Variants in MYOF observed in about 807,000 individuals in gnomAD.
MYOF encodes fer-1-like 3, myoferlin.
A neutral mutation model predicts 284.2 loss-of-function variants in MYOF; 244 were observed. The ratio of observed to expected loss-of-function variants is 0.86; its 90% CI spans 0.77 to 0.95. MYOF has a LOEUF of 0.95. MYOF is among the 40% of genes least tolerant of loss of function. The probability of loss-of-function intolerance (pLI) is 0.00; values close to 1 mark genes in which losing one functional copy is unlikely to be tolerated. For missense variants in MYOF, 2,496 were observed against 2,560.6 expected (o/e 0.97, Z 0.54); for synonymous variants, 904 against 919.7 (o/e 0.98, Z 0.31).
Position 93,359,833 on chromosome 10 carries a change from C to A in MYOF, c.3120G>T (p.Arg1040Ser), listed in dbSNP as rs765932650. 4 of 1,614,108 alleles carry A rather than the reference C, an allele frequency of 2.5e-6. No homozygotes were observed. Among genetic ancestry groups the A allele is most frequent in the Non-Finnish European group, 3.4e-6 (4 of 1,179,984 alleles). ...AGCTCCCTTCCCTTGCTTCTCTTAC[C>A]CTTGCGGTGCTTGAAGCAGTCTGTG... ...DLTQTASSTA[R>S]AMEELQDQEG... is the part of the protein sequence containing the mutation. Residue 1040 changes from arginine (R) to serine (S), a missense_variant and splice_region_variant, in exon 29 of 54, where the codon AGG becomes AGT. Arg to Ser is a moderately radical substitution (Grantham distance 110). This residue lies in a region of MYOF where 2,436 missense variants were observed against 2,480.7 expected (regional missense o/e 0.98). Transcript: ENST00000359263.
chr10:93,467,428 T>C (rs2057036346), intron 1 of MYOF, among the ~76,000 whole-genome samples: 1 of 138,450 alleles, frequency 7.2e-6, no homozygotes, highest in Non-Finnish European at 1.6e-5. Flanking sequence ...TTGGTTTTTT[T>C]GTCCTTGCGA....
intron 46 of MYOF, chr10:93,324,505 G>T (rs1210458934): frequency 6.6e-6 from 1 of 152,192 alleles, no homozygotes; most frequent in African/African-American, 2.4e-5. Context: ...AAGTGATGGG[G>T]GTTTGTGGAT....
In MYOF at chr10:93,355,525, A is replaced by G. The variant is rs1251030785; in HGVS notation, c.3403+103T>C. ...TGCTTGAACCTGGGAGGTTGCAGCG[A>G]GCCAAGATCGTACCACTGCACTCCA... is the stretch of plus-strand genomic sequence containing the variant. On this transcript the variant is annotated intron_variant, in intron 31 of 53. Transcript: ENST00000359263. 4 of 840,754 alleles carry G rather than the reference A, an allele frequency of 4.8e-6. No homozygotes were observed. The African/African-American group carries it at 5.0e-5, about 11-fold the overall frequency. 52.1% of individuals were successfully genotyped at this position (840,754 alleles called of 1,614,324 possible).
chr10:93,389,189 T>A, intron 17 of MYOF, 35 bp from the exon 18 acceptor site: 1 of 1,595,848 alleles, frequency 6.3e-7, no homozygotes, highest in Non-Finnish European at 8.5e-7. Flanking sequence ...GTGTTAGGCT[T>A]TTAACATTCA....
chr10:93,307,523 G>C (rs373187424), intron 53 of MYOF, among the ~76,000 whole-genome samples: 8 of 151,886 alleles, frequency 5.3e-5, no homozygotes, highest in Non-Finnish European at 1.0e-4. Flanking sequence ...GATGGACTCT[G>C]TCTCCTGACC....
intron 5 of MYOF, chr10:93,425,731 CCTT>C: frequency 3.4e-6 from 1 of 290,254 alleles, no homozygotes; most frequent in Non-Finnish European, 6.6e-6. Flanking sequence ...AGGGGCCACT[CCTT>C]GAGCCAAACA....
intron 1 of MYOF, among the ~76,000 whole-genome samples, chr10:93,460,593 C>T (rs2056849543): frequency 1.3e-5 from 2 of 151,260 alleles, no homozygotes; most frequent in Non-Finnish European, 2.9e-5. Context: ...GGTGAAACCC[C>T]GTCTCTACTA....
rs191119384 is a variant in MYOF, at chr10:93,323,600, T to C, written c.5272-242A>G. On this transcript the variant is annotated intron_variant, in intron 46 of 53. Coordinates refer to ENST00000359263, the MANE Select transcript of MYOF (RefSeq NM_013451.4). ...TCTCTGACGGCTGCACATGCCCACC[T>C]GTATCATAGTCTGGGTCTCGCCTGG... 35 of 516,840 alleles carry C rather than the reference T, an allele frequency of 6.8e-5. No homozygotes were observed. The East Asian group carries it at 1.1e-3, about 16-fold the overall frequency. 32.0% of individuals were successfully genotyped at this position (516,840 alleles called of 1,614,324 possible). A position where few individuals can be genotyped will look rare whatever the true frequency, so the allele number is the denominator to read the frequency against.
intron 31 of MYOF, 63 bp from the exon 32 acceptor site, chr10:93,353,951 G>T (rs1378074059): frequency 3.1e-6 from 4 of 1,286,970 alleles, no homozygotes; most frequent in Non-Finnish European, 4.4e-6. Context: ...TATTTTACTG[G>T]AATATTTGGA....
intron 32 of MYOF, among the ~76,000 whole-genome samples, chr10:93,352,388 T>C (rs543170438): frequency 6.6e-6 from 1 of 152,338 alleles, no homozygotes; most frequent in Admixed American, 6.5e-5. Context: ...CTAATGTTGA[T>C]GGTAATCGAT....
At chr10:93,451,612 G>C (rs1007145139) in intron 3 of MYOF, among the ~76,000 whole-genome samples, 1 of 152,132 alleles carries the variant, frequency 6.6e-6, no homozygotes, top group Non-Finnish European at 1.5e-5. Flanking sequence ...ATTAAAAGGC[G>C]AAGGAGACAT....
At chr10:93,437,695 T>C (rs2134243933) in intron 3 of MYOF, among the ~76,000 whole-genome samples, 1 of 152,244 alleles carries the variant, frequency 6.6e-6, no homozygotes, top group South Asian at 2.1e-4. Context: ...AAAAAGATGG[T>C]GAGCTTCCCA....
intron 39 of MYOF, chr10:93,338,617 C>A: frequency 2.3e-6 from 1 of 427,676 alleles, no homozygotes. Context: ...AAACGAAAGG[C>A]AGGAGGCATC....
intron 1 of MYOF, among the ~76,000 whole-genome samples, chr10:93,460,269 G>A (rs1032508557): frequency 2.0e-5 from 3 of 152,166 alleles, no homozygotes; most frequent in East Asian, 1.9e-4. Flanking sequence ...CGGAAGACAC[G>A]CTGCAAGCTA....
At chr10:93,343,986 A>G in intron 37 of MYOF, 54 bp from the exon 38 acceptor site, 1 of 1,595,048 alleles carries the variant, frequency 6.3e-7, no homozygotes, top group Non-Finnish European at 8.6e-7. Context: ...ACAGTGGTGA[A>G]CATTCTACTC....
At chr10:93,475,080 A>G (rs1475989329) in intron 1 of MYOF, among the ~76,000 whole-genome samples, 1 of 152,210 alleles carries the variant, frequency 6.6e-6, no homozygotes, top group Admixed American at 6.5e-5. Flanking sequence ...GCTCATGAGC[A>G]ACTAGGGATG....
chr10:93,397,429 C>T lies in MYOF; in HGVS notation c.1249G>A (p.Ala417Thr). Reference protein sequence around the residue: ...KVCTNIIEKNANPEWNQVVNL... With the variant: ...KVCTNIIEKNTNPEWNQVVNL... ...ACGACCTGATTCCACTCTGGGTTTGCATTTTTCTCAATTATGTTTGTACAA... is the reference window on the plus strand; with the variant it reads ...ACGACCTGATTCCACTCTGGGTTTGTATTTTTCTCAATTATGTTTGTACAA... The change falls in exon 14 of 54, where the codon GCA (alanine) becomes ACA (threonine). Residue 417 changes from alanine (A) to threonine (T), a missense_variant. Physicochemically the swap from Ala to Thr is moderately conservative, Grantham distance 58. Coordinates refer to ENST00000359263, the MANE Select transcript of MYOF (RefSeq NM_013451.4). 1 of 1,610,760 alleles carries T rather than the reference C, an allele frequency of 6.2e-7. No individual in the cohort carries two copies. Among genetic ancestry groups the T allele is most frequent in the Non-Finnish European group, 8.5e-7 (1 of 1,179,254 alleles).
chr10:93,339,705 GTGATCT>G (rs142032656), intron 39 of MYOF, among the ~76,000 whole-genome samples: 7,830 of 151,602 alleles, frequency 0.052, 305 homozygotes, highest in Middle Eastern at 0.082. Flanking sequence ...CTGGCCTCAA[GTGATCT>G]GCCTGCTTCA....
At chr10:93,313,305 A>C in intron 50 of MYOF, 95 bp from the exon 51 acceptor site, 1 of 1,216,198 alleles carries the variant, frequency 8.2e-7, no homozygotes, top group Non-Finnish European at 1.1e-6. Flanking sequence ...AGAGAGGCAC[A>C]CAGTGATTTT....
Sources: allele counts gnomAD v4.1 joint callset (sites outside exome capture counted in the v4.1 genomes callset), GRCh38; gene constraint gnomAD v4.1.1; regional missense constraint gnomAD v4.1.1; transcripts MANE v1.5; gene names NCBI Gene and HGNC (gene_info 2026-07-23, HGNC 2026-07-21).